Variants in AVEN observed in about 807,000 individuals in gnomAD.
AVEN encodes the protein apoptosis and caspase activation inhibitor.
A neutral mutation model predicts 38.1 loss-of-function variants in AVEN; 41 were observed. That is an observed-to-expected ratio of 1.08 (90% confidence interval 0.84 to 1.40). The LOEUF (loss-of-function observed/expected upper bound fraction) is 1.40. Ranked by LOEUF, AVEN falls within the 40% of genes most tolerant of loss-of-function variation. AVEN has a pLI of 0.00. For missense variants in AVEN, 605 were observed against 438.8 expected (o/e 1.38, Z -3.38); for synonymous variants, 206 against 171.8 (o/e 1.20, Z -1.56).
intron 2 of AVEN, among the ~76,000 whole-genome samples, chr15:33,937,932 CAAAAAAAAAAAAAAAAAAA>C (rs55887919): frequency 9.9e-6 from 1 of 100,856 alleles, no homozygotes; most frequent in Admixed American, 1.1e-4. Flanking sequence ...CCTACTTGAC[CAAAAAAAAAAAAAAAAAAA>C]AAAAAAAGAA....
intron 2 of AVEN, among the ~76,000 whole-genome samples, chr15:33,899,143 G>A (rs929449528): frequency 3.8e-5 from 4 of 104,890 alleles, no homozygotes; most frequent in Non-Finnish European, 8.8e-5. Context: ...GACTTTTGGG[G>A]ACCACTGAGA....
chr15:33,912,325 A>G (rs916673214), intron 2 of AVEN, among the ~76,000 whole-genome samples: 3 of 152,228 alleles, frequency 2.0e-5, no homozygotes, highest in African/African-American at 7.2e-5. Flanking sequence ...CATCCTATGC[A>G]ATATGGAGTG....
chr15:33,980,979 A>G (rs973045853), intron 2 of AVEN, among the ~76,000 whole-genome samples: 5 of 152,166 alleles, frequency 3.3e-5, no homozygotes, highest in Admixed American at 6.5e-5. Context: ...GCAAGTAAAA[A>G]CTTTCTCACT....
At position 34,052,283 on chromosome 15, in the gene AVEN, G is replaced by GA. The variant is rs541124270; in HGVS notation, n.1637+10638dup. ...TCTCCATAGATGCAGAAAAGGCTTT[G>GA]AAAAAATTTAAATCCCTTCATATTA... On this transcript the variant is annotated intron_variant and non_coding_transcript_variant, in intron 5 of 11. Transcript: ENST00000675287. Among the ~76,000 whole-genome samples, 211 of 152,160 alleles carry GA rather than the reference G, an allele frequency of 1.4e-3. 1 individual carries two copies. The highest frequency in any genetic ancestry group is 4.8e-3 in the African/African-American group (201 of 41,522).
intron 5 of AVEN, among the ~76,000 whole-genome samples, chr15:34,054,029 A>T (rs112790070): frequency 0.072 from 10,986 of 152,178 alleles, 617 homozygotes; most frequent in East Asian, 0.31. Context: ...TGTATGAACA[A>T]ACACTTCTCA....
intron 2 of AVEN, among the ~76,000 whole-genome samples, chr15:33,895,068 C>T (rs1037506502): frequency 6.6e-6 from 1 of 151,938 alleles, no homozygotes; most frequent in Non-Finnish European, 1.5e-5. Context: ...TTCAACTTTC[C>T]TCTAGTGCTT....
intron 2 of AVEN, among the ~76,000 whole-genome samples, chr15:33,905,257 G>C (rs1347301461): frequency 6.6e-6 from 1 of 151,800 alleles, no homozygotes; most frequent in East Asian, 1.9e-4. Context: ...AAAAAACTGA[G>C]TTTAAACTGC....
chr15:33,937,602 C>G (rs1439303029), intron 2 of AVEN, among the ~76,000 whole-genome samples: 10 of 151,956 alleles, frequency 6.6e-5, no homozygotes, highest in African/African-American at 2.4e-4. Context: ...GAAGCCCTAA[C>G]CCCCCAATGT....
At chr15:33,920,197 C>T (rs1893340572) in intron 2 of AVEN, among the ~76,000 whole-genome samples, 1 of 152,118 alleles carries the variant, frequency 6.6e-6, no homozygotes, top group Admixed American at 6.6e-5. Flanking sequence ...GGTAAAAATA[C>T]ACATCACATA....
rs993402076 is a variant in AVEN, at chr15:33,953,069, A to G, written c.445+49963T>C. 2.6e-5 allele frequency among the ~76,000 whole-genome samples: 4 copies of G among 152,096 alleles called. No individual in the cohort carries two copies. In the South Asian group the frequency reaches 8.3e-4, roughly 32 times the overall value. Reference sequence around the variant, plus strand: ...CAAAGAGAATAAAATACCTAGGAATACAACTTACAAGGGATGTGAAGGACC... The same window carrying G: ...CAAAGAGAATAAAATACCTAGGAATGCAACTTACAAGGGATGTGAAGGACC... On this transcript the variant is annotated intron_variant, in intron 2 of 5. Transcript: ENST00000306730.
At chr15:33,923,158 T>G (rs1893468939) in intron 2 of AVEN, among the ~76,000 whole-genome samples, 1 of 152,088 alleles carries the variant, frequency 6.6e-6, no homozygotes, top group Non-Finnish European at 1.5e-5. Flanking sequence ...AGAGATAAGC[T>G]TGGTAATTAC....
chr15:33,927,242 G>T (rs1214674068), intron 2 of AVEN, among the ~76,000 whole-genome samples: 1 of 151,162 alleles, frequency 6.6e-6, no homozygotes, highest in Non-Finnish European at 1.5e-5. Context: ...GTGACAGAGC[G>T]AGACTCCATC....
chr15:33,874,268 G>C (rs1329498508), intron 3 of AVEN, among the ~76,000 whole-genome samples: 3 of 152,070 alleles, frequency 2.0e-5, no homozygotes, highest in Non-Finnish European at 2.9e-5. Flanking sequence ...TGAAGCAATA[G>C]AGAAGGAAAA....
intron 2 of AVEN, among the ~76,000 whole-genome samples, chr15:33,961,672 G>T (rs975707094): frequency 6.6e-6 from 1 of 151,508 alleles, no homozygotes; most frequent in Admixed American, 6.6e-5. Context: ...AATTAGCCGG[G>T]CGTGGTGGCG....
chr15:33,880,157 C>A (rs936562883), intron 2 of AVEN, among the ~76,000 whole-genome samples: 1 of 152,102 alleles, frequency 6.6e-6, no homozygotes, highest in Admixed American at 6.5e-5. Flanking sequence ...CTTATTCCCC[C>A]AGTCTTGCTG....
At chr15:33,956,512 C>T (rs567426495) in intron 2 of AVEN, among the ~76,000 whole-genome samples, 5 of 152,260 alleles carry the variant, frequency 3.3e-5, no homozygotes, top group African/African-American at 1.2e-4. Context: ...ATAGCCTTTG[C>T]CCAGTTTTAA....
chr15:33,983,156 G>GTGTA (rs1299043179), intron 2 of AVEN, among the ~76,000 whole-genome samples: 3 of 102,408 alleles, frequency 2.9e-5, no homozygotes, highest in African/African-American at 4.9e-5. Context: ...GTGTGTGTGT[G>GTGTA]TGTATGTGTG....
intron 2 of AVEN, among the ~76,000 whole-genome samples, chr15:33,932,740 G>C (rs903865399): frequency 4.6e-5 from 7 of 152,076 alleles, no homozygotes; most frequent in Non-Finnish European, 1.0e-4. Flanking sequence ...CAGGAGAATT[G>C]CTTGAACCCT....
chr15:33,871,774 C>CAAAAAAAAAAAAAAAAAAAAAA lies in AVEN; in HGVS notation c.517-745_517-744insTTTTTTTTTTTTTTTTTTTTTT, dbSNP rs55793582. On this transcript the variant is annotated intron_variant, in intron 3 of 5. Coordinates refer to ENST00000306730, the MANE Select transcript of AVEN (RefSeq NM_020371.3). ...AAGGTTTCAAACGAGCTAGTCTCCTCAAAAAAAAAAAAAAAAAGCCACTTT... is the reference window on the plus strand; with the variant it reads ...AAGGTTTCAAACGAGCTAGTCTCCTCAAAAAAAAAAAAAAAAAAAAAAAAAAAAAAAAAAAAAAAGCCACTTT... Among the ~76,000 whole-genome samples the CAAAAAAAAAAAAAAAAAAAAAA allele has an allele frequency of 2.0e-4, 18 of 91,594 alleles. 1 individual carries two copies. Among genetic ancestry groups the CAAAAAAAAAAAAAAAAAAAAAA allele is most frequent in the Admixed American group, 3.6e-4 (3 of 8,244 alleles). The allele number at this position is 91,594 out of a possible 152,430, so 60.1% of individuals were successfully genotyped here.
Sources: gnomAD v4.1 joint callset for allele counts (sites outside exome capture counted in the v4.1 genomes callset) on GRCh38, gnomAD v4.1.1 for gene constraint, MANE v1.5 for transcripts, NCBI Gene and HGNC (gene_info 2026-07-23, HGNC 2026-07-21) for gene names.